RBFOX3: variants seen among roughly 807,000 people sequenced by gnomAD.
RBFOX3 encodes the protein RNA binding protein fox-1 homolog 3.
Under a neutral mutation model 48.7 loss-of-function variants are expected in RBFOX3, and 17 were observed. The ratio of observed to expected loss-of-function variants is 0.35; its 90% CI spans 0.24 to 0.52. The LOEUF is 0.52. Ranked by LOEUF, RBFOX3 falls within the 20% of genes least tolerant of loss-of-function variation. RBFOX3 has a pLI of 0.94. For missense variants in RBFOX3, 382 were observed against 497.5 expected, an observed-to-expected ratio of 0.77 and a Z score of 2.21; for synonymous variants, 212 against 209.5, an observed-to-expected ratio of 1.01 and a Z score of -0.10.
chr17:79,470,817 C>T (rs1030265151), intron 2 of RBFOX3, among the ~76,000 whole-genome samples: 1 of 152,316 alleles, frequency 6.6e-6, no homozygotes, highest in African/African-American at 2.4e-5. Context: ...TTTCTCTGGA[C>T]CCCTTCTGGC....
intron 2 of RBFOX3, among the ~76,000 whole-genome samples, chr17:79,453,821 G>T (rs891728745): frequency 6.6e-5 from 10 of 152,148 alleles, no homozygotes; most frequent in Non-Finnish European, 2.9e-5. Flanking sequence ...CAAAGCTGCA[G>T]CCTGACACGC....
intron 1 of RBFOX3, among the ~76,000 whole-genome samples, chr17:79,522,305 C>T (rs1156979092): frequency 6.6e-6 from 1 of 152,060 alleles, no homozygotes; most frequent in Non-Finnish European, 1.5e-5. Flanking sequence ...CTAAAGGCAG[C>T]CCTGAGCCTT....
chr17:79,362,730 G>A lies in RBFOX3; in HGVS notation c.-174-54906C>T, dbSNP rs1044496547. 1.3e-5 allele frequency among the ~76,000 whole-genome samples: 2 copies of A among 152,210 alleles called. No homozygotes were observed. Among genetic ancestry groups the A allele is most frequent in the African/African-American group, 2.4e-5 (1 of 41,458 alleles). On this transcript the variant is annotated intron_variant, in intron 2 of 14. Transcript: ENST00000693108. This position sits in a 1 kb window ranked among gnomAD's most constrained non-coding sequence, Gnocchi z 4.2. ...CTCTGAGCTGCACAGGCTCATTAGA[G>A]ACCATGGGATGGGGCCTCCGAGGAG...
chr17:79,477,985 C>A lies in RBFOX3; in HGVS notation c.-175+4469G>T, dbSNP rs1241855807. Among the ~76,000 whole-genome samples, 5 of 152,180 alleles carry A rather than the reference C, an allele frequency of 3.3e-5. No homozygotes were observed. The highest frequency in any genetic ancestry group is 6.5e-5 in the Admixed American group (1 of 15,286). On this transcript the variant is annotated intron_variant, in intron 2 of 14. Coordinates refer to ENST00000693108, the MANE Select transcript of RBFOX3 (RefSeq NM_001350451.2). This position sits in a 1 kb window ranked among gnomAD's most constrained non-coding sequence, Gnocchi z 4.8. ...AGGACGAGCTCCTGCAAAAGGAATG[C>A]ATTCACTGCAAGCCTGGGAGCAACG... is the stretch of plus-strand genomic sequence containing the variant.
intron 4 of RBFOX3, among the ~76,000 whole-genome samples, chr17:79,121,981 G>A (rs906603543): frequency 1.3e-5 from 2 of 152,104 alleles, no homozygotes; most frequent in African/African-American, 4.8e-5. Flanking sequence ...TGCCCCCAAA[G>A]GGACCTCTGA....
At chr17:79,267,986 TAGA>T in intron 3 of RBFOX3, among the ~76,000 whole-genome samples, 1 of 152,174 alleles carries the variant, frequency 6.6e-6, no homozygotes. Context: ...ACCCCCACTA[TAGA>T]ATTCAACCTG....
At chr17:79,592,212 T>C (rs1191163539) in intron 1 of RBFOX3, among the ~76,000 whole-genome samples, 3 of 149,016 alleles carry the variant, frequency 2.0e-5, no homozygotes, top group Non-Finnish European at 4.4e-5. Flanking sequence ...CATGCATGCA[T>C]GTGTGTGTGG....
At position 79,242,180 on chromosome 17, in the gene RBFOX3, TC is replaced by T. The variant is rs2062474453; in HGVS notation, c.-73-6376del. ...CAGGAAAGACCTTGGGAGCTCTGGT[TC>T]CCAGCGTGCTGCTGCTGCTGGTGGA... On this transcript the variant is annotated intron_variant, in intron 3 of 14. Coordinates refer to ENST00000693108, the MANE Select transcript of RBFOX3 (RefSeq NM_001350451.2). The surrounding 1 kb of genome is among the most constrained non-coding windows in gnomAD (Gnocchi z 5.8). 6.6e-6 allele frequency among the ~76,000 whole-genome samples: 1 copy of T among 152,144 alleles called. No individual in the cohort carries two copies. Among genetic ancestry groups the T allele is most frequent in the African/African-American group, 2.4e-5 (1 of 41,430 alleles).
At chr17:79,505,503 C>T (rs1436059265) in intron 1 of RBFOX3, among the ~76,000 whole-genome samples, 1 of 152,192 alleles carries the variant, frequency 6.6e-6, no homozygotes, top group Non-Finnish European at 1.5e-5. Context: ...TGTCCCACCT[C>T]CCCAGCTCCT....
At chr17:79,176,029 A>G (rs1022396448) in intron 4 of RBFOX3, among the ~76,000 whole-genome samples, 2 of 152,174 alleles carry the variant, frequency 1.3e-5, no homozygotes, top group African/African-American at 2.4e-5. Context: ...TGTGAACCCC[A>G]GGAAGGGCAG....
At chr17:79,393,725 A>G (rs1193586248) in intron 2 of RBFOX3, among the ~76,000 whole-genome samples, 2 of 147,914 alleles carry the variant, frequency 1.4e-5, no homozygotes, top group Non-Finnish European at 1.5e-5. Flanking sequence ...CGGTCATCAT[A>G]CACATCATCT....
At chr17:79,175,525 G>A (rs1310206219) in intron 4 of RBFOX3, among the ~76,000 whole-genome samples, 5 of 152,240 alleles carry the variant, frequency 3.3e-5, no homozygotes, top group Non-Finnish European at 5.9e-5. Context: ...CGGGCGTGCT[G>A]CCCACTGGAG....
chr17:79,578,886 G>A (rs927288567), intron 1 of RBFOX3, among the ~76,000 whole-genome samples: 10 of 152,100 alleles, frequency 6.6e-5, no homozygotes, highest in African/African-American at 1.2e-4. Flanking sequence ...CTCCATCACC[G>A]CATGACCCCA....
the RBFOX3 span, among the ~76,000 whole-genome samples, chr17:79,657,828 C>T: frequency 1.3e-5 from 2 of 152,204 alleles, no homozygotes; most frequent in African/African-American, 2.4e-5. Context: ...GCAATGAACA[C>T]GGATGTTTCC....
rs116420712 is a variant in RBFOX3, at chr17:79,407,726, G to A, written c.-175+74728C>T. On this transcript the variant is annotated intron_variant, in intron 2 of 14. Transcript: ENST00000693108. ...AAGGAGGAAGGAGAGCTAGGCGGCC[G>A]GGAGCAGGAATTCATTCAAGGTGGC... Among the ~76,000 whole-genome samples, 1,179 of 152,272 alleles carry A rather than the reference G, an allele frequency of 7.7e-3. 8 individuals carry two copies. Among genetic ancestry groups the A allele is most frequent in the African/African-American group, 0.025 (1,041 of 41,556 alleles).
chr17:79,264,963 G>A (rs946721731), intron 3 of RBFOX3, among the ~76,000 whole-genome samples: 2 of 139,228 alleles, frequency 1.4e-5, no homozygotes, highest in African/African-American at 5.5e-5. Flanking sequence ...CAGTGCGAGA[G>A]GAGGGGGGGG....
intron 9 of RBFOX3, among the ~76,000 whole-genome samples, chr17:79,101,312 T>C (rs1295853136): frequency 6.6e-6 from 1 of 152,184 alleles, no homozygotes; most frequent in African/African-American, 2.4e-5. Context: ...ACGTGTGGCC[T>C]CTGGGGGCCA....
chr17:79,150,030 G>GGGGGT (rs2044027700), intron 4 of RBFOX3, among the ~76,000 whole-genome samples: 7 of 105,132 alleles, frequency 6.7e-5, no homozygotes, highest in Admixed American at 1.8e-4. Flanking sequence ...GTTGAGGGTG[G>GGGGGT]GGGGTGGGGG....
At chr17:79,310,453 CT>C in intron 2 of RBFOX3, among the ~76,000 whole-genome samples, 1 of 152,284 alleles carries the variant, frequency 6.6e-6, no homozygotes, top group Middle Eastern at 3.4e-3. Flanking sequence ...TTCCTGTAGA[CT>C]TTTTTCTGCA....
Sources: gnomAD v4.1 joint callset for allele counts (sites outside exome capture counted in the v4.1 genomes callset) on GRCh38, gnomAD v4.1.1 for gene constraint, Gnocchi (gnomAD v3.1) non-coding constraint, MANE v1.5 for transcripts, NCBI Gene and HGNC (gene_info 2026-07-23, HGNC 2026-07-21) for gene names.